WWC2: variants seen among roughly 807,000 people sequenced by gnomAD.
WWC2 encodes the protein protein WWC2.
Under a neutral mutation model 138.5 loss-of-function variants are expected in WWC2, and 101 were observed. The observed-to-expected ratio is 0.73, with a 90% CI of 0.62 to 0.86. The LOEUF (loss-of-function observed/expected upper bound fraction) is 0.86, where lower values mean the gene tolerates loss of function less well. WWC2 is among the 40% of genes least tolerant of loss of function. The pLI, the probability that WWC2 is intolerant of heterozygous loss-of-function variation, is 0.00. For synonymous variants in WWC2, 558 were observed against 538.4 expected (o/e 1.04, Z -0.50); for missense variants, 1,420 against 1,419.4 (o/e 1.00, Z -0.01).
Position 183,261,495 on chromosome 4 carries a change from T to TATTC in WWC2, c.1872_1873insATTC (p.Glu625IlefsTer5), listed in dbSNP as rs1215955512. 1.2e-6 allele frequency: 2 copies of TATTC among 1,612,816 alleles called. No individual in the cohort carries two copies. The highest frequency in any genetic ancestry group is 1.3e-5 in the African/African-American group (1 of 74,912). On this transcript the variant is annotated frameshift_variant, in exon 11 of 23. Transcript: ENST00000403733. LOFTEE classifies it high-confidence loss of function. ...CTCTTTCAGAGGATAAAGACCTTAA[T>TATTC]GAATGTGCTAGGGAGCCATTATATG...
At chr4:183,189,590 C>G (rs563055262) in intron 1 of WWC2, among the ~76,000 whole-genome samples, 1 of 152,132 alleles carries the variant, frequency 6.6e-6, no homozygotes, top group Non-Finnish European at 1.5e-5. Context: ...TCTCTTAGAG[C>G]AATTCAGTGA....
intron 2 of WWC2, among the ~76,000 whole-genome samples, chr4:183,200,284 A>G (rs1325291021): frequency 6.6e-6 from 1 of 152,202 alleles, no homozygotes; most frequent in African/African-American, 2.4e-5. Context: ...ATTGAAATAT[A>G]CCGTGTCCCC....
intron 20 of WWC2, 71 bp from the exon 21 acceptor site, chr4:183,289,322 G>A: frequency 6.5e-7 from 1 of 1,543,408 alleles, no homozygotes; most frequent in Non-Finnish European, 8.8e-7. Context: ...CATGCGCCAG[G>A]AAGGAGGGGA....
Position 183,249,938 on chromosome 4 carries a change from T to A in WWC2, c.898T>A (p.Ser300Thr), listed in dbSNP as rs762848195. The change falls in exon 8 of 23, where the codon TCA becomes ACA. Residue 300 changes from serine to threonine, a missense_variant. By Grantham distance (58) the Ser-to-Thr change is moderately conservative (BLOSUM62 1). Transcript: ENST00000403733. Reference protein sequence around the residue: ...ISGDIGVRSRSNLAEKVRLSL... With the variant: ...ISGDIGVRSRTNLAEKVRLSL... ...CCACTAGATTGGAGTAAGAAGTAGA[T>A]CAAATTTAGCTGAAAAGGTCAGGCT... 2 of 1,613,700 alleles carry A rather than the reference T, an allele frequency of 1.2e-6. No individual in the cohort carries two copies. Among genetic ancestry groups the A allele is most frequent in the South Asian group, 2.2e-5 (2 of 90,970 alleles).
chr4:183,222,088 A>G (rs1469304860), intron 4 of WWC2, among the ~76,000 whole-genome samples: 1 of 152,192 alleles, frequency 6.6e-6, no homozygotes, highest in Non-Finnish European at 1.5e-5. Context: ...TACAACATGG[A>G]TGAATTTCAA....
intron 1 of WWC2, among the ~76,000 whole-genome samples, chr4:183,105,820 G>A (rs1743336033): frequency 6.6e-6 from 1 of 151,762 alleles, no homozygotes; most frequent in Admixed American, 6.6e-5. Context: ...AACCCGGGAA[G>A]CGGAGCTTGC....
intron 1 of WWC2, among the ~76,000 whole-genome samples, chr4:183,180,021 A>T (rs1199931945): frequency 6.6e-6 from 1 of 152,188 alleles, no homozygotes; most frequent in African/African-American, 2.4e-5. Flanking sequence ...GGAAAACATG[A>T]TGTCTTCCCC....
At chr4:183,269,228 T>C (rs889492882) in intron 15 of WWC2, 65 bp downstream of exon 15, 164 of 1,506,934 alleles carry the variant, frequency 1.1e-4, no homozygotes, top group Middle Eastern at 3.5e-4. Flanking sequence ...GGATATACTT[T>C]GTAGTTGCTA....
chr4:183,212,349 CCTTTA>C (rs1735622278), intron 4 of WWC2, among the ~76,000 whole-genome samples: 1 of 152,004 alleles, frequency 6.6e-6, no homozygotes, highest in Non-Finnish European at 1.5e-5. Context: ...TGTCCTGGAC[CCTTTA>C]CTTTGTCAGT....
chr4:183,207,510 C>CT (rs1735479030), intron 2 of WWC2, among the ~76,000 whole-genome samples: 2 of 152,110 alleles, frequency 1.3e-5, no homozygotes, highest in African/African-American at 4.8e-5. Context: ...GGACATAAAA[C>CT]TGAGTTCATG....
intron 1 of WWC2, among the ~76,000 whole-genome samples, chr4:183,159,095 T>C (rs6552643): frequency 0.98 from 149,496 of 152,318 alleles, 73,415 homozygotes; most frequent in Middle Eastern, 1. Context: ...ACCCATAAAA[T>C]GCAAAATTCT....
rs542408274 is a variant in WWC2, at chr4:183,183,692, G to A, written c.132-9907G>A. ...CCTTGGGAGGCTGAGGTGTTAGAAT[G>A]GCTTCAGCCCGGGAGGTTGAGGCTG... On this transcript the variant is annotated intron_variant, in intron 1 of 22. Transcript: ENST00000403733. 8.5e-5 allele frequency among the ~76,000 whole-genome samples: 13 copies of A among 152,174 alleles called. No homozygotes were observed. The South Asian group carries it at 2.5e-3, about 29-fold the overall frequency.
intron 16 of WWC2, among the ~76,000 whole-genome samples, chr4:183,273,277 C>T (rs527718493): frequency 2.0e-5 from 3 of 151,176 alleles, no homozygotes; most frequent in South Asian, 2.1e-4. Context: ...TATTTTTAAA[C>T]GATGTTATTT....
At chr4:183,181,723 A>G (rs1345838707) in intron 1 of WWC2, among the ~76,000 whole-genome samples, 2 of 152,194 alleles carry the variant, frequency 1.3e-5, no homozygotes, top group South Asian at 2.1e-4. Flanking sequence ...GTCAAAAGTT[A>G]TAAGAGAATT....
Position 183,162,171 on chromosome 4 carries a change from C to G in WWC2, c.132-31428C>G, listed in dbSNP as rs368963827. Among the ~76,000 whole-genome samples, 6 of 90,378 alleles carry G rather than the reference C, an allele frequency of 6.6e-5. No homozygotes were observed. In the East Asian group the frequency reaches 2.0e-3, roughly 30 times the overall value. The allele number at this position is 90,378 out of a possible 152,430, so 59.3% of individuals were successfully genotyped here. On this transcript the variant is annotated intron_variant, in intron 1 of 22. Transcript: ENST00000403733. Reference sequence around the variant, plus strand: ...AAGTTATACAACAAAGAAGGCAAACCCTGTTCAAACTACCCGATTAGTTTT... The same window carrying G: ...AAGTTATACAACAAAGAAGGCAAACGCTGTTCAAACTACCCGATTAGTTTT...
chr4:183,233,259 C>T (rs1736313276), intron 4 of WWC2, among the ~76,000 whole-genome samples: 1 of 137,050 alleles, frequency 7.3e-6, no homozygotes, highest in Non-Finnish European at 1.5e-5. Flanking sequence ...TGGGTTCAAA[C>T]GATTGTCCTG....
intron 21 of WWC2, among the ~76,000 whole-genome samples, chr4:183,306,739 C>A (rs6858242): frequency 0.21 from 31,617 of 151,892 alleles, 3,602 homozygotes; most frequent in Non-Finnish European, 0.26. Flanking sequence ...GTTGGCCAGG[C>A]TGGTCTCGAT....
chr4:183,266,506 G>A (rs1737510986), intron 14 of WWC2, among the ~76,000 whole-genome samples: 1 of 152,146 alleles, frequency 6.6e-6, no homozygotes, highest in Non-Finnish European at 1.5e-5. Context: ...ATTGCTTAGA[G>A]ACTTTTTGCT....
intron 1 of WWC2, among the ~76,000 whole-genome samples, chr4:183,135,543 A>ATTAT (rs1371397721): frequency 6.6e-6 from 1 of 150,902 alleles, no homozygotes; most frequent in Non-Finnish European, 1.5e-5. Context: ...CAGTACTTTA[A>ATTAT]TTATATATAT....
Sources: allele counts gnomAD v4.1 joint callset (sites outside exome capture counted in the v4.1 genomes callset), GRCh38; gene constraint gnomAD v4.1.1; transcripts MANE v1.5; gene names NCBI Gene and HGNC (gene_info 2026-07-23, HGNC 2026-07-21).